Variants in FAF1 observed in about 807,000 individuals in gnomAD.
FAF1 encodes Fas associated factor 1, also known as FAS-associated factor 1.
Under a neutral mutation model 92.5 loss-of-function variants are expected in FAF1, and 25 were observed. The ratio of observed to expected loss-of-function variants is 0.27; its 90% confidence interval spans 0.20 to 0.38. The LOEUF (loss-of-function observed/expected upper bound fraction) is 0.38, where lower values mean the gene tolerates loss of function less well. Among genes scored for constraint, FAF1 ranks in the 10% least tolerant of loss-of-function variants. The pLI is 1.00. For missense variants in FAF1, 636 were observed against 793.3 expected (o/e 0.80, Z 2.38); for synonymous variants, 234 against 273.2 (o/e 0.86, Z 1.42).
intron 7 of FAF1, among the ~76,000 whole-genome samples, chr1:50,697,295 G>A (rs1422273629): frequency 6.6e-6 from 1 of 152,118 alleles, no homozygotes; most frequent in Admixed American, 6.6e-5. Flanking sequence ...TGATAATCCA[G>A]TTTAAAAAGC....
intron 4 of FAF1, among the ~76,000 whole-genome samples, chr1:50,762,206 A>G (rs1660355947): frequency 6.6e-6 from 1 of 152,198 alleles, no homozygotes; most frequent in African/African-American, 2.4e-5. Context: ...AAACAAATGG[A>G]AGAACATTCC....
chr1:50,656,680 C>T (rs893034208), intron 7 of FAF1, among the ~76,000 whole-genome samples: 7 of 151,568 alleles, frequency 4.6e-5, no homozygotes, highest in Non-Finnish European at 8.8e-5. Context: ...GTCAGGTGTT[C>T]AAGACCAGCC....
chr1:50,622,090 G>A (rs1432709726), intron 8 of FAF1, among the ~76,000 whole-genome samples: 3 of 151,466 alleles, frequency 2.0e-5, no homozygotes, highest in Admixed American at 2.0e-4. Flanking sequence ...ACTTGAATTC[G>A]GGAGGTGGAG....
intron 1 of FAF1, among the ~76,000 whole-genome samples, chr1:50,871,941 TGTAGTCCCAGCTA>T (rs930372715): frequency 6.6e-6 from 1 of 151,196 alleles, no homozygotes; most frequent in Admixed American, 6.6e-5. Context: ...GGCGGGCGCC[TGTAGTCCCAGCTA>T]CTCGGGAGGC....
chr1:50,674,510 T>G (rs1462304147), intron 7 of FAF1, among the ~76,000 whole-genome samples: 1 of 152,252 alleles, frequency 6.6e-6, no homozygotes, highest in African/African-American at 2.4e-5. Flanking sequence ...AAGGGATATT[T>G]CAGAGATTCT....
chr1:50,783,193 C>G (rs1416103186), intron 4 of FAF1, among the ~76,000 whole-genome samples: 2 of 152,102 alleles, frequency 1.3e-5, no homozygotes, highest in African/African-American at 4.8e-5. Flanking sequence ...AGACATACAA[C>G]TAGTCTGTTA....
intron 8 of FAF1, among the ~76,000 whole-genome samples, chr1:50,618,414 G>GGT (rs1653029025): frequency 8.9e-6 from 1 of 111,886 alleles, no homozygotes. Context: ...AGTTTTTAGA[G>GGT]TTTTTTTTTT....
chr1:50,467,836 C>A (rs1308198205), intron 18 of FAF1, among the ~76,000 whole-genome samples: 5 of 152,082 alleles, frequency 3.3e-5, no homozygotes, highest in Admixed American at 1.3e-4. Context: ...AACGTTCTCA[C>A]CTTTTAAAAA....
chr1:50,458,166 T>C lies in FAF1; in HGVS notation c.1870-16643A>G, dbSNP rs144070447. ...AGGCAGAGGTTGCAGTGAGCTGAGA[T>C]TGAGCCATTGCACTCCAGCCTGGGC... is the stretch of plus-strand genomic sequence containing the variant. On this transcript the variant is annotated intron_variant, in intron 18 of 18. Transcript: ENST00000396153. 9.8e-3 allele frequency among the ~76,000 whole-genome samples: 1,498 copies of C among 152,164 alleles called. 23 individuals carry two copies. The highest frequency in any genetic ancestry group is 0.034 in the African/African-American group (1,424 of 41,490).
At chr1:50,852,907 T>C (rs1036929907) in intron 2 of FAF1, among the ~76,000 whole-genome samples, 9 of 152,020 alleles carry the variant, frequency 5.9e-5, no homozygotes, top group African/African-American at 1.9e-4. Context: ...AACAGAGAAA[T>C]TGAAAAATTT....
At chr1:50,695,219 C>CCAA (rs1463342890) in intron 7 of FAF1, among the ~76,000 whole-genome samples, 2 of 151,946 alleles carry the variant, frequency 1.3e-5, no homozygotes, top group South Asian at 2.1e-4. Flanking sequence ...ACCAACCTGC[C>CCAA]CAACATGGTG....
At chr1:50,767,233 C>A (rs1039797455) in intron 4 of FAF1, among the ~76,000 whole-genome samples, 2 of 152,108 alleles carry the variant, frequency 1.3e-5, no homozygotes, top group African/African-American at 2.4e-5. Flanking sequence ...AGCTCAAACA[C>A]TGGTTCCCCA....
rs1346240717 is a variant in FAF1, at chr1:50,441,035, A to T, written c.*405T>A. 2 of 158,508 alleles carry T rather than the reference A, an allele frequency of 1.3e-5. No homozygotes were observed. Among genetic ancestry groups the T allele is most frequent in the Non-Finnish European group, 2.8e-5 (2 of 72,376 alleles). 9.8% of individuals were successfully genotyped at this position (158,508 alleles called of 1,614,324 possible). ...GATGAAGTAGAAATTCAGTCATGAA[A>T]ATAAAAAGACATATATCAAATATAC... On this transcript the variant is annotated 3_prime_UTR_variant, in exon 19 of 19. Transcript: ENST00000396153.
At chr1:50,757,678 G>C (rs1443464607) in intron 4 of FAF1, among the ~76,000 whole-genome samples, 3 of 152,000 alleles carry the variant, frequency 2.0e-5, no homozygotes, top group Admixed American at 2.0e-4. Flanking sequence ...CATACAAACG[G>C]GTTTCCCTTT....
chr1:50,836,691 G>T (rs1253269469), intron 2 of FAF1, among the ~76,000 whole-genome samples: 1 of 151,968 alleles, frequency 6.6e-6, no homozygotes, highest in Non-Finnish European at 1.5e-5. Context: ...ACATTTGAAG[G>T]TAAATTGCAA....
intron 1 of FAF1, among the ~76,000 whole-genome samples, chr1:50,933,775 A>G (rs1441518784): frequency 1.3e-5 from 2 of 152,266 alleles, no homozygotes; most frequent in African/African-American, 2.4e-5. Flanking sequence ...AATTCGATTT[A>G]CAGTTCCACA....
rs567384040 is a variant in FAF1, at chr1:50,777,922, CAT to C, written c.367+10076_367+10077del. Among the ~76,000 whole-genome samples the C allele has an allele frequency of 7.2e-5, 11 of 152,256 alleles. No homozygotes were observed. In the South Asian group the frequency reaches 2.3e-3, roughly 32 times the overall value. On this transcript the variant is annotated intron_variant, in intron 4 of 18. Coordinates refer to ENST00000396153, the MANE Select transcript of FAF1 (RefSeq NM_007051.3). ...GCTACACCTGCTAACTCTAAACAAA[CAT>C]ATATCTTCACGCTATGATTCAGCAG...
chr1:50,726,266 T>A (rs1357965662), intron 6 of FAF1, among the ~76,000 whole-genome samples: 1 of 151,352 alleles, frequency 6.6e-6, no homozygotes, highest in African/African-American at 2.4e-5. Flanking sequence ...AAAAAAATAA[T>A]AATAATAAAT....
At chr1:50,560,287 A>G (rs1348746378) in intron 13 of FAF1, among the ~76,000 whole-genome samples, 1 of 152,242 alleles carries the variant, frequency 6.6e-6, no homozygotes, top group East Asian at 1.9e-4. Flanking sequence ...AACTCTTGCC[A>G]AAGATTAAGT....
Sources: allele counts gnomAD v4.1 joint callset (sites outside exome capture counted in the v4.1 genomes callset), GRCh38; gene constraint gnomAD v4.1.1; transcripts MANE v1.5; gene names NCBI Gene and HGNC (gene_info 2026-07-23, HGNC 2026-07-21).